Variants in SLC35F4 observed in about 807,000 individuals in gnomAD.
SLC35F4 encodes the protein solute carrier family 35 member F4.
SLC35F4 carries 24 observed loss-of-function variants against 44.2 expected under a neutral mutation model. The observed-to-expected ratio is 0.54, with a 90% confidence interval of 0.39 to 0.76. The LOEUF is 0.76. Among genes scored for constraint, SLC35F4 ranks in the 30% least tolerant of loss-of-function variants. The pLI is 0.00. For synonymous variants in SLC35F4, 238 were observed against 223.6 expected, an observed-to-expected ratio of 1.06 and a Z score of -0.57; for missense variants, 562 against 586.1, an observed-to-expected ratio of 0.96 and a Z score of 0.42.
intron 4 of SLC35F4, among the ~76,000 whole-genome samples, chr14:57,578,304 A>C (rs2068948296): frequency 7.7e-6 from 1 of 130,108 alleles, no homozygotes; most frequent in Non-Finnish European, 1.6e-5. Context: ...TAATCTGATG[A>C]CTGAAAGCAT....
In SLC35F4 at chr14:57,596,837, C is replaced by G. The variant is rs749151568; in HGVS notation, c.104-2713G>C. On this transcript the variant is annotated intron_variant, in intron 1 of 7. Coordinates refer to ENST00000556826, the MANE Select transcript of SLC35F4 (RefSeq NM_001306087.2). ...TGTGATATACCGCAAAGCCCATTGCCTGCTGCCAGCTGCCTCCCACTGGTC... is the reference window on the plus strand; with the variant it reads ...TGTGATATACCGCAAAGCCCATTGCGTGCTGCCAGCTGCCTCCCACTGGTC... 5 of 1,367,544 alleles carry G rather than the reference C, an allele frequency of 3.7e-6. No individual in the cohort carries two copies. In the African/African-American group the frequency reaches 7.4e-5, roughly 20 times the overall value. 84.7% of individuals were successfully genotyped at this position (1,367,544 alleles called of 1,614,324 possible). A position where few individuals can be genotyped will look rare whatever the true frequency, so the allele number is the denominator to read the frequency against.
intron 1 of SLC35F4, among the ~76,000 whole-genome samples, chr14:57,677,133 T>C (rs1401121928): frequency 1.3e-5 from 2 of 152,046 alleles, no homozygotes; most frequent in African/African-American, 2.4e-5. Context: ...CTGGAGGCCA[T>C]TATTCTAAGT....
At chr14:57,736,915 A>G (rs2076478879) in intron 1 of SLC35F4, among the ~76,000 whole-genome samples, 1 of 152,092 alleles carries the variant, frequency 6.6e-6, no homozygotes, top group Admixed American at 6.6e-5. Context: ...TTTCATAGCC[A>G]TCATACTAAA....
At chr14:57,629,294 TA>T (rs1175713852) in intron 1 of SLC35F4, among the ~76,000 whole-genome samples, 2 of 152,084 alleles carry the variant, frequency 1.3e-5, no homozygotes, top group Non-Finnish European at 1.5e-5. Context: ...TGACCTCCAC[TA>T]AAAATTTTTT....
chr14:57,590,578 A>ACTCT (rs2070110208), intron 2 of SLC35F4, among the ~76,000 whole-genome samples: 1 of 152,030 alleles, frequency 6.6e-6, no homozygotes, highest in South Asian at 2.1e-4. Context: ...AATAGCCAAA[A>ACTCT]CTCTCTAAAA....
rs1198049533 is a variant in SLC35F4, at chr14:57,644,451, T to A, written c.104-50327A>T. On this transcript the variant is annotated intron_variant, in intron 1 of 7. Transcript: ENST00000556826. ...GTGTCTGTTCATATCCTTTGCCCAC[T>A]TTTTGATGGGTTTTTTTTTTCCTTG... Among the ~76,000 whole-genome samples, 4 of 118,756 alleles carry A rather than the reference T, an allele frequency of 3.4e-5. No homozygotes were observed. The South Asian group carries it at 8.6e-4, about 26-fold the overall frequency. 77.9% of individuals were successfully genotyped at this position (118,756 alleles called of 152,430 possible).
At chr14:57,800,547 G>A (rs1048655623) in intron 1 of SLC35F4, among the ~76,000 whole-genome samples, 1 of 151,968 alleles carries the variant, frequency 6.6e-6, no homozygotes, top group Non-Finnish European at 1.5e-5. Flanking sequence ...GGCTTCAGAA[G>A]GGGGGTAATA....
At chr14:57,664,598 A>C (rs997945348) in intron 1 of SLC35F4, among the ~76,000 whole-genome samples, 38 of 152,132 alleles carry the variant, frequency 2.5e-4, no homozygotes, top group African/African-American at 8.2e-4. Flanking sequence ...TTTAGTAGAG[A>C]AGGAGTCTCA....
chr14:57,751,223 G>A (rs2140562057), intron 1 of SLC35F4, among the ~76,000 whole-genome samples: 1 of 152,212 alleles, frequency 6.6e-6, no homozygotes, highest in South Asian at 2.1e-4. Context: ...AAGAAGCAGG[G>A]CAAAACTTTG....
chr14:57,934,727 C>A (rs930437649), intron 1 of SLC35F4, among the ~76,000 whole-genome samples: 1 of 152,062 alleles, frequency 6.6e-6, no homozygotes, highest in Non-Finnish European at 1.5e-5. Context: ...CATGAGTAAA[C>A]AACAAATAGC....
At chr14:57,605,026 C>G (rs899010251) in intron 1 of SLC35F4, among the ~76,000 whole-genome samples, 8 of 152,058 alleles carry the variant, frequency 5.3e-5, no homozygotes, top group African/African-American at 1.9e-4. Flanking sequence ...CTAGGAAATA[C>G]CCTTCTCAAT....
chr14:57,689,947 CTT>C (rs1381867285), intron 1 of SLC35F4, among the ~76,000 whole-genome samples: 1 of 152,140 alleles, frequency 6.6e-6, no homozygotes, highest in East Asian at 1.9e-4. Flanking sequence ...CATGTAACCA[CTT>C]TGTCTTTGCC....
intron 1 of SLC35F4, among the ~76,000 whole-genome samples, chr14:57,757,028 C>T (rs2077010629): frequency 6.6e-6 from 1 of 152,016 alleles, no homozygotes; most frequent in Non-Finnish European, 1.5e-5. Context: ...GTTTTCATTT[C>T]TCTTTGCAAT....
chr14:57,842,303 C>A (rs2140963633), intron 1 of SLC35F4, among the ~76,000 whole-genome samples: 1 of 152,278 alleles, frequency 6.6e-6, no homozygotes, highest in Non-Finnish European at 1.5e-5. Flanking sequence ...GAAGGGCACT[C>A]TGAAATGGGG....
Position 57,785,850 on chromosome 14 carries a change from ACT to A in SLC35F4, c.103+79871_103+79872del, listed in dbSNP as rs528003420. On this transcript the variant is annotated intron_variant, in intron 1 of 7. Transcript: ENST00000556826. The stretch of plus-strand genomic sequence containing the variant: ...GGGTGGCCAGAGAAGCAGGGGTAAG[ACT>A]CTGCAGGGAGAAGGAATTCTCTAGC... Among the ~76,000 whole-genome samples, 242 of 152,170 alleles carry A rather than the reference ACT, an allele frequency of 1.6e-3. 1 individual carries two copies. The highest frequency in any genetic ancestry group is 5.3e-3 in the African/African-American group (221 of 41,514).
At chr14:57,771,073 G>T (rs1211165580) in intron 1 of SLC35F4, among the ~76,000 whole-genome samples, 1 of 152,052 alleles carries the variant, frequency 6.6e-6, no homozygotes, top group East Asian at 1.9e-4. Flanking sequence ...TCATTTCAGG[G>T]CCTGACTGCT....
intron 1 of SLC35F4, among the ~76,000 whole-genome samples, chr14:57,743,641 G>C (rs1033371374): frequency 2.0e-5 from 3 of 152,138 alleles, no homozygotes; most frequent in African/African-American, 4.8e-5. Flanking sequence ...AATTCTACCA[G>C]AGGTACAAAG....
At chr14:57,851,872 C>T (rs1021366258) in intron 1 of SLC35F4, among the ~76,000 whole-genome samples, 3 of 152,116 alleles carry the variant, frequency 2.0e-5, no homozygotes, top group Admixed American at 6.5e-5. Context: ...TGAGGGGTTA[C>T]GGGAACTCTC....
At chr14:57,753,772 A>G (rs937165822) in intron 1 of SLC35F4, among the ~76,000 whole-genome samples, 6 of 152,084 alleles carry the variant, frequency 3.9e-5, no homozygotes, top group Admixed American at 2.0e-4. Flanking sequence ...CCTCTTCTTT[A>G]GGGTGGAGGG....
Sources: gnomAD v4.1 joint callset for allele counts (sites outside exome capture counted in the v4.1 genomes callset) on GRCh38, gnomAD v4.1.1 for gene constraint, MANE v1.5 for transcripts, NCBI Gene and HGNC (gene_info 2026-07-23, HGNC 2026-07-21) for gene names.